ZNF385D: variants seen among roughly 807,000 people sequenced by gnomAD.
The protein encoded by ZNF385D is zinc finger protein 659.
In ZNF385D, 15 loss-of-function variants were observed where a neutral mutation model predicts 35.8. That is an observed-to-expected ratio of 0.42 (90% confidence interval 0.28 to 0.64). The LOEUF (loss-of-function observed/expected upper bound fraction) is 0.64, where lower values mean the gene tolerates loss of function less well. ZNF385D is among the 30% of genes least tolerant of loss of function. The pLI, the probability that ZNF385D is intolerant of heterozygous loss-of-function variation, is 0.23. For missense variants in ZNF385D, 474 were observed against 494.6 expected (o/e 0.96, Z 0.39); for synonymous variants, 212 against 186.8 (o/e 1.13, Z -1.10).
At chr3:21,597,368 A>G (rs1034950171) in intron 2 of ZNF385D, among the ~76,000 whole-genome samples, 3 of 152,232 alleles carry the variant, frequency 2.0e-5, no homozygotes, top group Admixed American at 6.5e-5. Flanking sequence ...TTCAAAAAAA[A>G]AAGAAAAATA....
chr3:21,618,078 C>T (rs1459018321), intron 2 of ZNF385D, among the ~76,000 whole-genome samples: 4 of 152,112 alleles, frequency 2.6e-5, no homozygotes, highest in African/African-American at 9.7e-5. Flanking sequence ...AAAGATTTGT[C>T]CATGTCCTAA....
intron 3 of ZNF385D, among the ~76,000 whole-genome samples, chr3:21,882,322 T>A (rs1327401459): frequency 6.6e-6 from 1 of 151,930 alleles, no homozygotes; most frequent in Non-Finnish European, 1.5e-5. Flanking sequence ...GGCATCAACA[T>A]CAAGGCAAGA....
chr3:22,286,688 G>A (rs371844755), intron 2 of ZNF385D, among the ~76,000 whole-genome samples: 1 of 152,044 alleles, frequency 6.6e-6, no homozygotes, highest in Non-Finnish European at 1.5e-5. Context: ...CCATATACTT[G>A]TAAGCTTTCC....
intron 3 of ZNF385D, among the ~76,000 whole-genome samples, chr3:21,887,048 T>C (rs1698584289): frequency 6.6e-6 from 1 of 152,266 alleles, no homozygotes; most frequent in Non-Finnish European, 1.5e-5. Context: ...TATTGATCCT[T>C]TCTTATGGAT....
intron 3 of ZNF385D, among the ~76,000 whole-genome samples, chr3:21,899,361 C>CA (rs900004895): frequency 1.3e-5 from 2 of 152,106 alleles, no homozygotes; most frequent in Non-Finnish European, 2.9e-5. Context: ...TAGTTTCTCC[C>CA]ACCGGGGAAA....
At chr3:21,666,899 G>A (rs527719821) in intron 1 of ZNF385D, among the ~76,000 whole-genome samples, 4 of 152,158 alleles carry the variant, frequency 2.6e-5, no homozygotes, top group African/African-American at 7.2e-5. Context: ...CTAACACGGC[G>A]AAACTCCATC....
chr3:22,366,814 T>C lies in ZNF385D; in HGVS notation c.106+5636A>G, dbSNP rs373838770. ...TATAAGGGTAGGCTTTAAATGCAAA[T>C]ATAATTGTCCTTACAAAAGAGAAAC... On this transcript the variant is annotated intron_variant, in intron 2 of 5. Coordinates refer to the ZNF385D transcript ENST00000494108. Among the ~76,000 whole-genome samples, 9 of 152,222 alleles carry C rather than the reference T, an allele frequency of 5.9e-5. No individual in the cohort carries two copies. The East Asian group carries it at 1.4e-3, about 23-fold the overall frequency.
intron 2 of ZNF385D, among the ~76,000 whole-genome samples, chr3:22,327,762 A>G (rs1233930486): frequency 6.6e-6 from 1 of 152,152 alleles, no homozygotes; most frequent in Non-Finnish European, 1.5e-5. Context: ...AGGGAGCTAT[A>G]TTTCAGTGAT....
intron 2 of ZNF385D, among the ~76,000 whole-genome samples, chr3:22,247,012 C>A (rs942962366): frequency 3.9e-5 from 6 of 152,126 alleles, no homozygotes; most frequent in African/African-American, 1.4e-4. Flanking sequence ...ACCATATACA[C>A]AAACAACTTC....
intron 2 of ZNF385D, among the ~76,000 whole-genome samples, chr3:22,294,888 A>G (rs1049340031): frequency 6.6e-6 from 1 of 152,156 alleles, no homozygotes; most frequent in African/African-American, 2.4e-5. Context: ...GTTTAAAAGG[A>G]AAAATCAACA....
intron 2 of ZNF385D, among the ~76,000 whole-genome samples, chr3:21,639,768 G>A (rs2065548271): frequency 6.6e-6 from 1 of 151,850 alleles, no homozygotes; most frequent in South Asian, 2.1e-4. Flanking sequence ...AACATGCCCT[G>A]CTTTAAGCAA....
intron 2 of ZNF385D, among the ~76,000 whole-genome samples, chr3:21,651,200 A>G (rs2065901992): frequency 6.8e-6 from 1 of 147,840 alleles, no homozygotes; most frequent in African/African-American, 2.5e-5. Context: ...AAGCAGGAGA[A>G]TGGCGTGAAC....
chr3:22,316,996 G>A lies in ZNF385D; in HGVS notation c.106+55454C>T, dbSNP rs747515427. On this transcript the variant is annotated intron_variant, in intron 2 of 5. Transcript: ENST00000494108. ...TCTTTCCAAAAGAAATGCAATTGTC[G>A]GTGGGGAGCAGTGACTCACCCCTGA... Among the ~76,000 whole-genome samples, 61 of 151,884 alleles carry A rather than the reference G, an allele frequency of 4.0e-4. 1 individual carries two copies. The highest frequency in any genetic ancestry group is 1.1e-3 in the Admixed American group (17 of 15,236).
intron 3 of ZNF385D, among the ~76,000 whole-genome samples, chr3:22,029,713 C>T (rs1172686264): frequency 6.6e-6 from 1 of 152,026 alleles, no homozygotes; most frequent in African/African-American, 2.4e-5. Context: ...GTGTTGTTAA[C>T]TTTCTGTAAT....
intron 3 of ZNF385D, among the ~76,000 whole-genome samples, chr3:21,520,629 T>C (rs1707846384): frequency 6.6e-6 from 1 of 152,214 alleles, no homozygotes; most frequent in Non-Finnish European, 1.5e-5. Context: ...GTGCTATTTA[T>C]GGGAACTCTC....
At chr3:21,511,877 G>T (rs1349481802) in intron 3 of ZNF385D, 1 of 438,954 alleles carries the variant, frequency 2.3e-6, no homozygotes, top group Non-Finnish European at 4.5e-6. Flanking sequence ...TACCGGGCGT[G>T]GTGGCTCATG....
intron 2 of ZNF385D, among the ~76,000 whole-genome samples, chr3:21,644,760 T>G (rs1276011724): frequency 6.6e-6 from 1 of 152,184 alleles, no homozygotes; most frequent in African/African-American, 2.4e-5. Context: ...CCTGCATATG[T>G]ACCTCCTGGA....
At chr3:22,196,172 A>G (rs902897009) in intron 2 of ZNF385D, among the ~76,000 whole-genome samples, 9 of 152,090 alleles carry the variant, frequency 5.9e-5, no homozygotes, top group Non-Finnish European at 1.2e-4. Context: ...CCTGAACTTA[A>G]AAGTTAAAAA....
chr3:22,076,443 T>G (rs1222266031), intron 3 of ZNF385D, among the ~76,000 whole-genome samples: 1 of 151,932 alleles, frequency 6.6e-6, no homozygotes, highest in Non-Finnish European at 1.5e-5. Context: ...TTTTAATCAT[T>G]TGGATCTCAG....
Sources: gnomAD v4.1 joint callset for allele counts (sites outside exome capture counted in the v4.1 genomes callset) on GRCh38, gnomAD v4.1.1 for gene constraint, MANE v1.5 for transcripts, NCBI Gene and HGNC (gene_info 2026-07-23, HGNC 2026-07-21) for gene names.